Variants in GFRA2 observed in about 807,000 individuals in gnomAD.
GFRA2 encodes GDNF family receptor alpha 2.
Under a neutral mutation model 48.3 loss-of-function variants are expected in GFRA2, and 17 were observed. The observed-to-expected ratio is 0.35, with a 90% CI of 0.24 to 0.53. The LOEUF is 0.53. Ranked by LOEUF, GFRA2 falls within the 20% of genes least tolerant of loss-of-function variation. GFRA2 has a pLI of 0.93. For synonymous variants in GFRA2, 305 were observed against 257.2 expected (o/e 1.19, Z -1.78); for missense variants, 660 against 637.3 (o/e 1.04, Z -0.38).
chr8:21,760,272 T>G (rs10448142), intron 3 of GFRA2, among the ~76,000 whole-genome samples: 38,586 of 152,060 alleles, frequency 0.25, 6,396 homozygotes, highest in African/African-American at 0.48. Flanking sequence ...CACTGACACA[T>G]GGAACTGAGG....
intron 1 of GFRA2, chr8:21,783,274 G>A (rs969441469): frequency 1.2e-5 from 5 of 401,976 alleles, no homozygotes; most frequent in Non-Finnish European, 1.9e-5. Context: ...GGGGGTGCAG[G>A]GAGTGGGGAA....
At chr8:21,757,689 G>A (rs1244455057) in intron 3 of GFRA2, among the ~76,000 whole-genome samples, 1 of 152,040 alleles carries the variant, frequency 6.6e-6, no homozygotes, top group Non-Finnish European at 1.5e-5. Flanking sequence ...TTTTAGTAGA[G>A]ACGGGGTTTT....
At chr8:21,810,931 A>C (rs1254535444) in intron 1 of GFRA2, among the ~76,000 whole-genome samples, 2 of 152,120 alleles carry the variant, frequency 1.3e-5, no homozygotes, top group Non-Finnish European at 2.9e-5. Context: ...ACTCTAGAAG[A>C]AGCACCTGGG....
intron 2 of GFRA2, among the ~76,000 whole-genome samples, chr8:21,777,891 T>C (rs1036610159): frequency 8.5e-5 from 13 of 152,324 alleles, no homozygotes; most frequent in Non-Finnish European, 1.9e-4. Flanking sequence ...TGAGCCCGAA[T>C]GATTGCCAGA....
intron 4 of GFRA2, among the ~76,000 whole-genome samples, chr8:21,742,553 T>C (rs974054872): frequency 3.9e-5 from 6 of 152,292 alleles, no homozygotes; most frequent in African/African-American, 1.4e-4. Flanking sequence ...CTGACTAAGA[T>C]ACCAGGCAAG....
chr8:21,761,659 G>T lies in GFRA2; in HGVS notation c.440-10717C>A, dbSNP rs191724184. 3.9e-5 allele frequency among the ~76,000 whole-genome samples: 6 copies of T among 152,326 alleles called. No homozygotes were observed. In the East Asian group the frequency reaches 1.2e-3, roughly 29 times the overall value. On this transcript the variant is annotated intron_variant, in intron 3 of 8. Transcript: ENST00000524240. ...AGGCAATAAATGCTTGTTTAAAAAG[G>T]TGTCACCTGGCTGGGTGCGGTTGCT...
chr8:21,773,383 A>T (rs1806530688), intron 3 of GFRA2, among the ~76,000 whole-genome samples: 1 of 152,276 alleles, frequency 6.6e-6, no homozygotes, highest in South Asian at 2.1e-4. Context: ...GCCAGTGCCC[A>T]AGGCCACACC....
chr8:21,750,620 C>T lies in GFRA2; in HGVS notation c.762G>A (p.Leu254=). The part of the protein sequence containing the change: ...EDKEKPNCLD[L]RGVCRTDHLC... ...GGTGGTCAGTCCGGCACACGCCACG[C>T]AGGTCCAGGCAGTTGGGCTTCTCCT... is the stretch of plus-strand genomic sequence containing the variant. Residue 254 remains leucine, a synonymous_variant, in exon 4 of 9, where the codon CTG becomes CTA. Coordinates refer to ENST00000524240, the MANE Select transcript of GFRA2 (RefSeq NM_001495.5). The surrounding 1 kb of genome is among the most constrained non-coding windows in gnomAD (Gnocchi z 5.7). 6.2e-7 allele frequency: 1 copy of T among 1,612,232 alleles called. No individual in the cohort carries two copies. The highest frequency in any genetic ancestry group is 8.5e-7 in the Non-Finnish European group (1 of 1,178,948).
In GFRA2 at chr8:21,711,826, C is replaced by T. The variant is rs567140719; in HGVS notation, c.795-5785G>A. 2.8e-4 allele frequency among the ~76,000 whole-genome samples: 43 copies of T among 152,094 alleles called. No individual in the cohort carries two copies. In the East Asian group the frequency reaches 6.4e-3, roughly 23 times the overall value. Reference sequence around the variant, plus strand: ...TGGTTTTCCTAGGCAGAGGACCCTGCGGCCTTCCGCAGTGTTTGTGTCCCT... The same window carrying T: ...TGGTTTTCCTAGGCAGAGGACCCTGTGGCCTTCCGCAGTGTTTGTGTCCCT... On this transcript the variant is annotated intron_variant, in intron 4 of 8. Transcript: ENST00000524240.
chr8:21,716,788 T>G (rs1332031285), intron 4 of GFRA2, among the ~76,000 whole-genome samples: 1 of 152,166 alleles, frequency 6.6e-6, no homozygotes, highest in East Asian at 1.9e-4. Context: ...AGATTTTCAA[T>G]GCCAATGAGA....
At chr8:21,716,771 T>C (rs1803356835) in intron 4 of GFRA2, among the ~76,000 whole-genome samples, 1 of 152,170 alleles carries the variant, frequency 6.6e-6, no homozygotes, top group South Asian at 2.1e-4. Context: ...AACACAGCCA[T>C]GCATGGAGAT....
chr8:21,790,054 G>A (rs1172560168), upstream of GFRA2: 2 of 984,696 alleles, frequency 2.0e-6, no homozygotes, highest in Admixed American at 1.2e-4. Context: ...TCCATCTGTC[G>A]GTGGGCCGGG....
intron 4 of GFRA2, among the ~76,000 whole-genome samples, chr8:21,707,868 CA>C (rs1487210511): frequency 2.6e-5 from 4 of 152,174 alleles, no homozygotes; most frequent in Non-Finnish European, 4.4e-5. Context: ...TGTATTTTAC[CA>C]CAATGATGGT....
At chr8:21,745,625 C>A (rs1453538819) in intron 4 of GFRA2, among the ~76,000 whole-genome samples, 1 of 152,206 alleles carries the variant, frequency 6.6e-6, no homozygotes, top group Non-Finnish European at 1.5e-5. Flanking sequence ...GGAAGTGCAC[C>A]CCTTCCCAGG....
chr8:21,774,830 G>A (rs1806615487), intron 3 of GFRA2, 142 bp downstream of exon 3: 10 of 611,372 alleles, frequency 1.6e-5, no homozygotes, highest in Non-Finnish European at 3.0e-6. Context: ...GAGGAACTGA[G>A]GCTCAGAACC....
At chr8:21,772,532 T>C (rs1355580133) in intron 3 of GFRA2, among the ~76,000 whole-genome samples, 3 of 152,056 alleles carry the variant, frequency 2.0e-5, no homozygotes, top group South Asian at 4.2e-4. Flanking sequence ...TGCCCAAGTC[T>C]CCCCAGACAC....
chr8:21,739,400 T>A (rs1804640967), intron 4 of GFRA2, among the ~76,000 whole-genome samples: 1 of 152,140 alleles, frequency 6.6e-6, no homozygotes, highest in Non-Finnish European at 1.5e-5. Flanking sequence ...CTAATTTCCA[T>A]CAAGATCACA....
chr8:21,694,077 T>TTTATATATATATATATATATATA lies in GFRA2; in HGVS notation c.1272+386_1272+387insTATATATATATATATATATATAA, dbSNP rs1802032776. Reference sequence around the variant, plus strand: ...TATTTATATATATATTTATTTATTTTTATATATATATATATTTCCTATAGT... The same window carrying TTTATATATATATATATATATATA: ...TATTTATATATATATTTATTTATTTTTTATATATATATATATATATATATATATATATATATATTTCCTATAGT... On this transcript the variant is annotated intron_variant, in intron 8 of 8. Transcript: ENST00000524240. 5.5e-5 allele frequency among the ~76,000 whole-genome samples: 6 copies of TTTATATATATATATATATATATA among 109,294 alleles called. 1 individual carries two copies. The highest frequency in any genetic ancestry group is 2.0e-5 in the Non-Finnish European group (1 of 50,168). 71.7% of individuals were successfully genotyped at this position (109,294 alleles called of 152,430 possible).
intron 7 of GFRA2, among the ~76,000 whole-genome samples, chr8:21,700,965 G>A (rs1007331638): frequency 1.3e-5 from 2 of 152,154 alleles, no homozygotes; most frequent in African/African-American, 4.8e-5. Context: ...CAAGCTAGGG[G>A]AGCTGAGAGA....
Sources: allele counts gnomAD v4.1 joint callset (sites outside exome capture counted in the v4.1 genomes callset), GRCh38; gene constraint gnomAD v4.1.1; non-coding constraint Gnocchi (gnomAD v3.1); transcripts MANE v1.5; gene names NCBI Gene and HGNC (gene_info 2026-07-23, HGNC 2026-07-21).